The following PREPL variants were observed in gnomAD, a reference collection of about 807,000 sequenced individuals.
PREPL encodes the protein prolyl endopeptidase like.
PREPL carries 77 observed loss-of-function variants against 70.6 expected under a neutral mutation model. The observed-to-expected ratio is 1.09, with a 90% confidence interval of 0.91 to 1.32. PREPL has a LOEUF of 1.32. PREPL is among the 40% of genes most tolerant of loss of function. The pLI, the probability that PREPL is intolerant of heterozygous loss-of-function variation, is 0.00. For missense variants in PREPL, 1,002 were observed against 778.2 expected, an observed-to-expected ratio of 1.29 and a Z score of -3.42; for synonymous variants, 315 against 264.8, an observed-to-expected ratio of 1.19 and a Z score of -1.84.
At chr2:44,334,568 C>T (rs372927574) in intron 7 of PREPL, among the ~76,000 whole-genome samples, 18 of 152,244 alleles carry the variant, frequency 1.2e-4, no homozygotes, top group South Asian at 1.0e-3. Flanking sequence ...TATTTAGAGA[C>T]GGAGTCTTGC....
chr2:44,355,751 TTATA>T (rs112927329), intron 1 of PREPL, among the ~76,000 whole-genome samples: 14,709 of 141,238 alleles, frequency 0.1, 909 homozygotes, highest in African/African-American at 0.16. Context: ...AAACTACATA[TTATA>T]TATATATATA....
chr2:44,341,508 A>T (rs189407785), intron 5 of PREPL, among the ~76,000 whole-genome samples: 1 of 152,064 alleles, frequency 6.6e-6, no homozygotes, highest in East Asian at 1.9e-4. Flanking sequence ...TTGTTTGCTT[A>T]GTTTGGTGAT....
chr2:44,355,427 T>C (rs1472507194), intron 1 of PREPL, among the ~76,000 whole-genome samples: 1 of 152,142 alleles, frequency 6.6e-6, no homozygotes, highest in Non-Finnish European at 1.5e-5. Context: ...CACATGCCTG[T>C]AATTCCAGTT....
rs1282270077 is a variant in PREPL at position 44,317,653 on chromosome 2, AATTTTCAAAGAATT to A, written c.*3689_*3702del. 6.6e-6 allele frequency: 1 copy of A among 152,304 alleles called. No homozygotes were observed. The highest frequency in any genetic ancestry group is 2.4e-5 in the African/African-American group (1 of 41,310). The allele number at this position is 152,304 out of a possible 1,614,324, so 9.4% of individuals were successfully genotyped here. On this transcript the variant is annotated 3_prime_UTR_variant, in exon 14 of 14. Transcript: ENST00000409411. ...AATGGTAAAATTAGGACATAAAAAT[AATTTTCAAAGAATT>A]ATTTTCAAAGAACACTAGACATAAA...
intron 12 of PREPL, 94 bp downstream of exon 12, chr2:44,322,637 G>C: frequency 3.4e-6 from 5 of 1,455,630 alleles, no homozygotes; most frequent in Non-Finnish European, 4.6e-6. Context: ...CTGGGCAGAT[G>C]ATTTGGCTAC....
Position 44,318,150 on chromosome 2 carries a change from G to T in PREPL, c.*3206C>A, listed in dbSNP as rs1364782819. 2.3e-6 allele frequency: 1 copy of T among 441,762 alleles called. No homozygotes were observed. The highest frequency in any genetic ancestry group is 1.6e-5 in the South Asian group (1 of 63,340). 27.4% of individuals were successfully genotyped at this position (441,762 alleles called of 1,614,324 possible). ...CCGTCACCCATGCTCGAGTGCAGTGGCGTGATCTCGGCACACTGCAGCCTC... is the reference window on the plus strand; with the variant it reads ...CCGTCACCCATGCTCGAGTGCAGTGTCGTGATCTCGGCACACTGCAGCCTC... On this transcript the variant is annotated 3_prime_UTR_variant, in exon 14 of 14. Transcript: ENST00000409411.
rs267599386 is a variant in PREPL at position 44,320,502 on chromosome 2, G to A, written c.*854C>T. 6.8e-6 allele frequency: 11 copies of A among 1,614,122 alleles called. 1 individual carries two copies. The highest frequency in any genetic ancestry group is 3.3e-4 in the Middle Eastern group (2 of 6,060). ...AGTTGATACAAGTGGCATTTTTCTG[G>A]ACAAGGGAGAGGGACTCATCTTTGA... is the stretch of plus-strand genomic sequence containing the variant. On this transcript the variant is annotated 3_prime_UTR_variant, in exon 14 of 14. Transcript: ENST00000409411.
chr2:44,359,626 G>C (rs750330934), intron 1 of PREPL: 2 of 1,611,710 alleles, frequency 1.2e-6, no homozygotes, highest in Admixed American at 1.7e-5. Context: ...CGAAGTTATA[G>C]TGATTCAAAT....
rs545858945 is a variant in PREPL, at chr2:44,340,477, C to T, written c.486-1114G>A. On this transcript the variant is annotated intron_variant, in intron 5 of 13. Transcript: ENST00000409411. ...TGAAAAACGTAAAGAATCCCAATGC[C>T]CCCAAATAACAACTGCTTATAGTTT... Among the ~76,000 whole-genome samples, 161 of 152,078 alleles carry T rather than the reference C, an allele frequency of 1.1e-3. 1 individual carries two copies. The highest frequency in any genetic ancestry group is 1.9e-3 in the Non-Finnish European group (129 of 67,976).
At position 44,329,083 on chromosome 2, in the gene PREPL, G is replaced by A; in HGVS notation, c.1116C>T (p.Phe372=). Residue 372 remains phenylalanine (F), a synonymous_variant, in exon 9 of 14, where the codon TTC becomes TTT. Coordinates refer to ENST00000409411, the MANE Select transcript of PREPL (RefSeq NM_001171613.2). ...KDGKLVPMTV[F]HKTDSEDLQK... ...GCAAGTCCTCAGAGTCAGTTTTGTG[G>A]AAAACAGTCATTGGCACTAATTTTC... 1.2e-6 allele frequency: 2 copies of A among 1,607,796 alleles called. No homozygotes were observed. Among genetic ancestry groups the A allele is most frequent in the Non-Finnish European group, 8.5e-7 (1 of 1,174,764 alleles).
At chr2:44,339,576 C>T (rs1674995731) in intron 5 of PREPL, among the ~76,000 whole-genome samples, 1 of 152,310 alleles carries the variant, frequency 6.6e-6, no homozygotes, top group African/African-American at 2.4e-5. Flanking sequence ...TAATTTACTT[C>T]TAACATTTTA....
intron 1 of PREPL, among the ~76,000 whole-genome samples, chr2:44,357,598 A>G (rs986785371): frequency 1.3e-5 from 2 of 152,254 alleles, no homozygotes; most frequent in African/African-American, 4.8e-5. Context: ...GTGGGAATCT[A>G]TAAAAGAGAA....
intron 7 of PREPL, among the ~76,000 whole-genome samples, chr2:44,336,258 T>A (rs1374044755): frequency 1.3e-5 from 2 of 152,154 alleles, no homozygotes; most frequent in Admixed American, 1.3e-4. Context: ...CACATTATGT[T>A]CATCACAATA....
At chr2:44,329,236 A>C in intron 8 of PREPL, 124 bp from the exon 9 acceptor site, 2 of 741,416 alleles carry the variant, frequency 2.7e-6, no homozygotes, top group Non-Finnish European at 4.2e-6. Flanking sequence ...GTTGAGCACA[A>C]ATTTGTTTAA....
chr2:44,348,353 G>A (rs567859755), intron 1 of PREPL, among the ~76,000 whole-genome samples: 42 of 152,248 alleles, frequency 2.8e-4, no homozygotes, highest in Non-Finnish European at 1.0e-4. Context: ...ACCATCATAA[G>A]TCAGAAGATG....
chr2:44,350,193 T>A (rs547810464), intron 1 of PREPL, among the ~76,000 whole-genome samples: 2 of 152,274 alleles, frequency 1.3e-5, no homozygotes, highest in South Asian at 4.1e-4. Flanking sequence ...ATCAAATTTT[T>A]AATTTTAAAA....
chr2:44,335,242 T>C (rs961144450), intron 7 of PREPL, among the ~76,000 whole-genome samples: 1 of 152,356 alleles, frequency 6.6e-6, no homozygotes, highest in South Asian at 2.1e-4. Context: ...AACTGGGGCA[T>C]ATCTTTAAAA....
At chr2:44,349,500 A>G (rs1200329747) in intron 1 of PREPL, among the ~76,000 whole-genome samples, 2 of 152,236 alleles carry the variant, frequency 1.3e-5, no homozygotes, top group African/African-American at 4.8e-5. Flanking sequence ...TGCAATATGA[A>G]GCATTTCAAT....
At chr2:44,358,988 G>C (rs1423330574) in intron 1 of PREPL, among the ~76,000 whole-genome samples, 1 of 151,744 alleles carries the variant, frequency 6.6e-6, no homozygotes, top group Non-Finnish European at 1.5e-5. Flanking sequence ...GGCATACTAA[G>C]GAAGTCCTGA....
Sources: gnomAD v4.1 joint callset for allele counts (sites outside exome capture counted in the v4.1 genomes callset) on GRCh38, gnomAD v4.1.1 for gene constraint, MANE v1.5 for transcripts, NCBI Gene and HGNC (gene_info 2026-07-23, HGNC 2026-07-21) for gene names.